Variants in RIN2 observed in about 807,000 individuals in gnomAD.
The protein encoded by RIN2 is Ras and Rab interactor 2.
In RIN2, 36 loss-of-function variants were observed where a neutral mutation model predicts 78.0. The observed-to-expected ratio is 0.46, with a 90% CI of 0.35 to 0.61. The LOEUF is 0.61. Among genes scored for constraint, RIN2 ranks in the 20% least tolerant of loss-of-function variants. RIN2 has a pLI of 0.00. For missense variants in RIN2, 1,087 were observed against 1,159.7 expected (o/e 0.94, Z 0.91); for synonymous variants, 466 against 466.8 (o/e 1.00, Z 0.02).
intron 4 of RIN2, among the ~76,000 whole-genome samples, chr20:19,939,110 G>A (rs1413547896): frequency 2.6e-5 from 4 of 152,180 alleles, no homozygotes; most frequent in African/African-American, 9.7e-5. Context: ...GTGGTGACAC[G>A]ATCTCAGCCT....
chr20:19,945,845 T>C (rs1377383326), intron 4 of RIN2, among the ~76,000 whole-genome samples: 1 of 152,224 alleles, frequency 6.6e-6, no homozygotes, highest in Non-Finnish European at 1.5e-5. Flanking sequence ...GGATTGGAGC[T>C]GCCTCCTTTT....
Position 19,828,528 on chromosome 20 carries a change from G to A in RIN2, c.-37+28781G>A, listed in dbSNP as rs577474918. ...CAGGAATGAATCACTCACTTCCTGC[G>A]TTGATGGTGGCTGTGGCATCCTGTC... On this transcript the variant is annotated intron_variant, in intron 2 of 12. Coordinates refer to ENST00000255006, the MANE Select transcript of RIN2 (RefSeq NM_018993.4). Among the ~76,000 whole-genome samples the A allele has an allele frequency of 8.2e-4, 125 of 152,208 alleles. 1 individual carries two copies. Among genetic ancestry groups the A allele is most frequent in the Admixed American group, 2.4e-3 (37 of 15,286 alleles).
intron 4 of RIN2, among the ~76,000 whole-genome samples, chr20:19,944,526 G>A (rs953539046): frequency 1.4e-4 from 21 of 152,154 alleles, no homozygotes; most frequent in Non-Finnish European, 3.1e-4. Flanking sequence ...AGAAGCCTGG[G>A]CCCTCCGGCA....
intron 4 of RIN2, among the ~76,000 whole-genome samples, chr20:19,950,176 A>G (rs67850729): frequency 0.057 from 8,634 of 152,228 alleles, 488 homozygotes; most frequent in East Asian, 0.3. Flanking sequence ...TTGTAATTGG[A>G]ATGGGTGGAG....
chr20:19,802,146 C>T (rs148669402), intron 2 of RIN2, among the ~76,000 whole-genome samples: 1 of 152,150 alleles, frequency 6.6e-6, no homozygotes, highest in Non-Finnish European at 1.5e-5. Context: ...CAGCCCTATA[C>T]AGGTGGGATT....
chr20:19,817,731 G>A (rs1384613059), intron 2 of RIN2, among the ~76,000 whole-genome samples: 1 of 152,156 alleles, frequency 6.6e-6, no homozygotes, highest in African/African-American at 2.4e-5. Flanking sequence ...GAAAGACACT[G>A]ATGCCCACTG....
intron 2 of RIN2, among the ~76,000 whole-genome samples, chr20:19,859,849 T>C (rs372930220): frequency 4.6e-5 from 7 of 152,174 alleles, no homozygotes; most frequent in African/African-American, 7.2e-5. Flanking sequence ...AGCCCAAAAC[T>C]TGGGAGTCAT....
intron 3 of RIN2, among the ~76,000 whole-genome samples, chr20:19,925,097 GA>G (rs11476905): frequency 0.63 from 84,259 of 133,386 alleles, 26,093 homozygotes; most frequent in East Asian, 0.91. Context: ...TAAATTTGTG[GA>G]AAAAAAAAAA....
At chr20:19,935,275 G>A in intron 4 of RIN2, 76 bp downstream of exon 4, 2 of 1,371,100 alleles carry the variant, frequency 1.5e-6, no homozygotes, top group Non-Finnish European at 2.0e-6. Flanking sequence ...GGGCTGACTT[G>A]CAGTCACTCC....
intron 3 of RIN2, among the ~76,000 whole-genome samples, chr20:19,896,873 T>C (rs558392701): frequency 6.6e-6 from 1 of 152,346 alleles, no homozygotes; most frequent in South Asian, 2.1e-4. Flanking sequence ...TTAATGTTAA[T>C]AATATATTGT....
intron 7 of RIN2, among the ~76,000 whole-genome samples, chr20:19,967,242 A>G (rs763852415): frequency 2.7e-4 from 41 of 152,344 alleles, no homozygotes; most frequent in African/African-American, 8.7e-4. Context: ...CATGATACCA[A>G]TATATAAGGT....
rs2043136736 is a variant in RIN2, at chr20:20,001,360, TCC to T, written c.*425_*426del. ...ATCCCTGCCTTCCTTCCTTTCTTTT[TCC>T]TTTTTTTTTTTTTTTTTTTTTTTTT... On this transcript the variant is annotated 3_prime_UTR_variant, in exon 13 of 13. Transcript: ENST00000255006. The T allele has an allele frequency of 2.3e-5, 3 of 129,720 alleles. No individual in the cohort carries two copies. The highest frequency in any genetic ancestry group is 4.4e-4 in the East Asian group (2 of 4,508). 8.0% of individuals were successfully genotyped at this position (129,720 alleles called of 1,614,324 possible). A position where few individuals can be genotyped will look rare whatever the true frequency, so the allele number is the denominator to read the frequency against.
intron 12 of RIN2, among the ~76,000 whole-genome samples, chr20:19,998,359 G>T (rs956348268): frequency 6.6e-6 from 1 of 152,060 alleles, no homozygotes; most frequent in South Asian, 2.1e-4. Context: ...GCACCTTAGA[G>T]GCTAAGGCAG....
intron 12 of RIN2, among the ~76,000 whole-genome samples, chr20:19,997,795 C>G (rs2043018394): frequency 6.6e-6 from 1 of 152,034 alleles, no homozygotes; most frequent in Non-Finnish European, 1.5e-5. Flanking sequence ...CAACACAATT[C>G]CTGATTTGCT....
At chr20:19,968,286 C>G (rs773955637) in intron 7 of RIN2, among the ~76,000 whole-genome samples, 4 of 152,190 alleles carry the variant, frequency 2.6e-5, no homozygotes, top group African/African-American at 9.7e-5. Flanking sequence ...TAGAAATCTA[C>G]GTATAGAGCA....
chr20:19,822,432 C>T (rs1003142486), intron 2 of RIN2, among the ~76,000 whole-genome samples: 1 of 152,144 alleles, frequency 6.6e-6, no homozygotes, highest in Non-Finnish European at 1.5e-5. Context: ...TATGAAGAGA[C>T]TCAGGAAGTA....
intron 3 of RIN2, among the ~76,000 whole-genome samples, chr20:19,912,475 C>CTTTTTTTTTTT (rs545323465): frequency 8.1e-5 from 9 of 110,934 alleles, no homozygotes; most frequent in Non-Finnish European, 1.2e-4. Context: ...TTTTCTTTTT[C>CTTTTTTTTTTT]TTTTTTTTTT....
At chr20:19,852,956 C>A (rs2037032601) in intron 2 of RIN2, among the ~76,000 whole-genome samples, 1 of 151,616 alleles carries the variant, frequency 6.6e-6, no homozygotes, top group Non-Finnish European at 1.5e-5. Flanking sequence ...CATATGTATA[C>A]ATGTGCCATG....
intron 4 of RIN2, among the ~76,000 whole-genome samples, chr20:19,956,403 G>A (rs1203107722): frequency 6.6e-6 from 1 of 152,146 alleles, no homozygotes; most frequent in Non-Finnish European, 1.5e-5. Context: ...CCAGTGCAAA[G>A]TGTTCTTTTT....
Sources: allele counts gnomAD v4.1 joint callset (sites outside exome capture counted in the v4.1 genomes callset), GRCh38; gene constraint gnomAD v4.1.1; transcripts MANE v1.5; gene names NCBI Gene and HGNC (gene_info 2026-07-23, HGNC 2026-07-21).